The following SLC26A3 variants were observed in gnomAD, a reference collection of about 807,000 sequenced individuals.
The protein encoded by SLC26A3 is solute carrier family 26 member 3.
Under a neutral mutation model 85.6 loss-of-function variants are expected in SLC26A3, and 64 were observed. The observed-to-expected ratio is 0.75, with a 90% CI of 0.61 to 0.92. The LOEUF is 0.92. Ranked by LOEUF, SLC26A3 falls within the 40% of genes least tolerant of loss-of-function variation. The pLI is 0.00. For missense variants in SLC26A3, 922 were observed against 927.3 expected (o/e 0.99, Z 0.07); for synonymous variants, 349 against 336.0 (o/e 1.04, Z -0.42).
chr7:107,800,702 T>C (rs575911390), intron 1 of SLC26A3, among the ~76,000 whole-genome samples: 2 of 145,602 alleles, frequency 1.4e-5, no homozygotes, highest in Non-Finnish European at 3.0e-5. Flanking sequence ...AAAAGATATA[T>C]AAATGACGTA....
At chr7:107,800,916 A>C (rs1794588725) in intron 1 of SLC26A3, among the ~76,000 whole-genome samples, 1 of 152,204 alleles carries the variant, frequency 6.6e-6, no homozygotes, top group Admixed American at 6.5e-5. Context: ...ATCATGTGAA[A>C]GGTTATTGAG....
chr7:107,799,183 T>C (rs1041353442), intron 1 of SLC26A3, among the ~76,000 whole-genome samples: 1 of 152,046 alleles, frequency 6.6e-6, no homozygotes, highest in African/African-American at 2.4e-5. Flanking sequence ...TGGGCAATAA[T>C]TGTTACTACT....
At chr7:107,790,615 C>G (rs74537266) in intron 5 of SLC26A3, among the ~76,000 whole-genome samples, 20 of 152,102 alleles carry the variant, frequency 1.3e-4, no homozygotes, top group Non-Finnish European at 1.9e-4. Context: ...ATGAACAGTT[C>G]AAAGCCCCCA....
intron 1 of SLC26A3, among the ~76,000 whole-genome samples, chr7:107,799,075 T>C (rs931967739): frequency 1.3e-5 from 2 of 152,092 alleles, no homozygotes; most frequent in African/African-American, 4.8e-5. Flanking sequence ...AGGGAGATGA[T>C]GGCATCAGAA....
chr7:107,798,546 T>A (rs1794548899), intron 1 of SLC26A3, among the ~76,000 whole-genome samples: 1 of 152,194 alleles, frequency 6.6e-6, no homozygotes, highest in African/African-American at 2.4e-5. Context: ...GGGAAACAAC[T>A]AATTTGAACC....
At chr7:107,791,673 A>G (rs1304068338) in intron 4 of SLC26A3, among the ~76,000 whole-genome samples, 157 bp downstream of exon 4, 2 of 152,072 alleles carry the variant, frequency 1.3e-5, no homozygotes, top group Non-Finnish European at 2.9e-5. Context: ...GCCATCTGTG[A>G]CCCTGCCCTC....
At chr7:107,772,361 A>T (rs1278179604) in intron 17 of SLC26A3, among the ~76,000 whole-genome samples, 2 of 152,234 alleles carry the variant, frequency 1.3e-5, no homozygotes, top group African/African-American at 4.8e-5. Context: ...TATTATGGGA[A>T]AATGTTCTGT....
In SLC26A3 at chr7:107,787,340, T is replaced by C; in HGVS notation, c.888+17A>G. The C allele has an allele frequency of 1.2e-6, 2 of 1,613,676 alleles. No homozygotes were observed. The highest frequency in any genetic ancestry group is 1.7e-4 in the Middle Eastern group (1 of 6,060). On this transcript the variant is annotated intron_variant, in intron 7 of 20. Transcript: ENST00000340010. ...ACAGTAGAGTAGCTATGACAGAGTCTGAAAATGATCAATTACCATAATGAA... is the reference window on the plus strand; with the variant it reads ...ACAGTAGAGTAGCTATGACAGAGTCCGAAAATGATCAATTACCATAATGAA...
chr7:107,798,018 A>T (rs907332308), intron 1 of SLC26A3, among the ~76,000 whole-genome samples: 2 of 151,978 alleles, frequency 1.3e-5, no homozygotes, highest in African/African-American at 2.4e-5. Flanking sequence ...GGATTTGGGG[A>T]TTGAAATTCA....
intron 16 of SLC26A3, among the ~76,000 whole-genome samples, chr7:107,774,398 A>G (rs1012364129): frequency 3.9e-5 from 6 of 152,124 alleles, no homozygotes; most frequent in Non-Finnish European, 5.9e-5. Flanking sequence ...CAAAAAATAA[A>G]AAAGTTAGCC....
chr7:107,789,277 C>A (rs919762295), intron 6 of SLC26A3, among the ~76,000 whole-genome samples: 19 of 151,438 alleles, frequency 1.3e-4, no homozygotes, highest in African/African-American at 2.7e-4. Flanking sequence ...CCACCATGCC[C>A]GGCTATTTTT....
In SLC26A3 at chr7:107,776,644, T is replaced by C; in HGVS notation, c.1577A>G (p.Tyr526Cys). ...AACATGAATCTCCCTTACATCATAA[T>C]AATCTTTTTTATTCTTATAGATGTT... ...RTNIYKNKKD[Y>C]YDMYEPEGVK... Residue 526 changes from tyrosine to cysteine, a missense_variant, in exon 14 of 21, where the codon TAT becomes TGT. Tyr to Cys is a radical substitution (Grantham distance 194). Coordinates refer to ENST00000340010, the MANE Select transcript of SLC26A3 (RefSeq NM_000111.3). 1 of 1,613,276 alleles carries C rather than the reference T, an allele frequency of 6.2e-7. No homozygotes were observed. The highest frequency in any genetic ancestry group is 2.2e-5 in the East Asian group (1 of 44,864).
In SLC26A3 at chr7:107,787,681, C is replaced by T. The variant is rs995327634; in HGVS notation, c.736-172G>A. On this transcript the variant is annotated intron_variant, in intron 6 of 20. Coordinates refer to ENST00000340010, the MANE Select transcript of SLC26A3 (RefSeq NM_000111.3). ...GTGAATGTGAAATTGTAGAGAGTAG[C>T]GATGGAGATATGAGAAGAGTAAGTT... Among the ~76,000 whole-genome samples the T allele has an allele frequency of 6.6e-5, 10 of 152,244 alleles. No homozygotes were observed. The South Asian group carries it at 1.2e-3, about 19-fold the overall frequency.
intron 1 of SLC26A3, among the ~76,000 whole-genome samples, chr7:107,799,744 T>C (rs1271825219): frequency 6.6e-6 from 1 of 152,180 alleles, no homozygotes; most frequent in African/African-American, 2.4e-5. Context: ...TCTAGGGCTG[T>C]TCTTAAAACT....
At chr7:107,772,001 G>T in intron 18 of SLC26A3, 53 bp downstream of exon 18, 1 of 1,175,776 alleles carries the variant, frequency 8.5e-7, no homozygotes. Context: ...CTGAGAGTTG[G>T]CAGTGAGCCT....
chr7:107,773,507 T>G (rs1261480896), intron 17 of SLC26A3, among the ~76,000 whole-genome samples: 1 of 152,214 alleles, frequency 6.6e-6, no homozygotes, highest in African/African-American at 2.4e-5. Context: ...ATCATTTGCT[T>G]CTAATTAAAT....
At position 107,796,587 on chromosome 7, in the gene SLC26A3, C is replaced by CT. The variant is rs1282372349; in HGVS notation, c.-88-1991dup. ...GAACTTGCTCACAAAGTGGAGGTGA[C>CT]TTGTGCATTGCTGTGCAGAGCATGG... On this transcript the variant is annotated intron_variant, in intron 1 of 20. Coordinates refer to ENST00000340010, the MANE Select transcript of SLC26A3 (RefSeq NM_000111.3). Among the ~76,000 whole-genome samples, 7 of 152,306 alleles carry CT rather than the reference C, an allele frequency of 4.6e-5. No individual in the cohort carries two copies. In the East Asian group the frequency reaches 1.3e-3, roughly 29 times the overall value.
chr7:107,778,304 A>G (rs746811060), intron 12 of SLC26A3, 23 bp from the exon 13 acceptor site: 4 of 1,414,418 alleles, frequency 2.8e-6, no homozygotes, highest in Non-Finnish European at 3.0e-6. Context: ...AGCAACACAT[A>G]CACTACAATT....
chr7:107,796,578 T>C (rs1794504294), intron 1 of SLC26A3, among the ~76,000 whole-genome samples: 1 of 152,158 alleles, frequency 6.6e-6, no homozygotes. Context: ...GCTCACAAAG[T>C]GGAGGTGACT....
Sources: gnomAD v4.1 joint callset for allele counts (sites outside exome capture counted in the v4.1 genomes callset) on GRCh38, gnomAD v4.1.1 for gene constraint, MANE v1.5 for transcripts, NCBI Gene and HGNC (gene_info 2026-07-23, HGNC 2026-07-21) for gene names.